Variants in B3GALT1 observed in about 807,000 individuals in gnomAD.
B3GALT1 encodes the protein beta-1,3-galactosyltransferase 1, also known as UDP-Gal:betaGlcNAc beta 1,3-galactosyltransferase, polypeptide 1.
A neutral mutation model predicts 23.2 loss-of-function variants in B3GALT1; 10 were observed. That is an observed-to-expected ratio of 0.43 (90% CI 0.27 to 0.73). B3GALT1 has a LOEUF of 0.73. Among genes scored for constraint, B3GALT1 ranks in the 30% least tolerant of loss-of-function variants. The probability of loss-of-function intolerance (pLI) is 0.21; values close to 1 mark genes in which losing one functional copy is unlikely to be tolerated. For missense variants in B3GALT1, 299 were observed against 405.4 expected (o/e 0.74, Z 2.25); for synonymous variants, 156 against 141.5 (o/e 1.10, Z -0.73).
chr2:167,346,706 A>G (rs1385419907), intron 1 of B3GALT1, among the ~76,000 whole-genome samples: 1 of 149,864 alleles, frequency 6.7e-6, no homozygotes. Flanking sequence ...AAAAAGTATC[A>G]AGTCTGCATG....
At chr2:167,611,090 A>C (rs1426392665) in intron 2 of B3GALT1, among the ~76,000 whole-genome samples, 3 of 151,798 alleles carry the variant, frequency 2.0e-5, no homozygotes, top group African/African-American at 7.2e-5. Flanking sequence ...AACCCCCATG[A>C]CACACAGTTT....
At chr2:167,393,730 C>T (rs1698054438) in intron 1 of B3GALT1, among the ~76,000 whole-genome samples, 1 of 152,020 alleles carries the variant, frequency 6.6e-6, no homozygotes, top group Non-Finnish European at 1.5e-5. Context: ...AGTTTTGTTT[C>T]AACTGCAGGC....
intron 1 of B3GALT1, among the ~76,000 whole-genome samples, chr2:167,395,720 A>G (rs1698083112): frequency 6.6e-6 from 1 of 152,176 alleles, no homozygotes; most frequent in African/African-American, 2.4e-5. Flanking sequence ...ACTGCTTTAT[A>G]ATGATGAATT....
intron 3 of B3GALT1, among the ~76,000 whole-genome samples, chr2:167,699,390 T>TTTTC (rs1286218482): frequency 4.1e-5 from 6 of 146,874 alleles, no homozygotes; most frequent in Non-Finnish European, 7.5e-5. Flanking sequence ...ATTTTTTTTT[T>TTTTC]TTTTTTTTTT....
intron 3 of B3GALT1, among the ~76,000 whole-genome samples, chr2:167,653,472 G>C (rs1363289494): frequency 6.6e-6 from 1 of 152,142 alleles, no homozygotes; most frequent in Non-Finnish European, 1.5e-5. Context: ...CCAAGCATCT[G>C]AGAACCTGCT....
At chr2:167,799,483 T>C (rs1688601434) in intron 3 of B3GALT1, among the ~76,000 whole-genome samples, 1 of 152,188 alleles carries the variant, frequency 6.6e-6, no homozygotes, top group Non-Finnish European at 1.5e-5. Context: ...CAAGCATTTC[T>C]CTCGTTGTTG....
chr2:167,711,482 A>G (rs1312764969), intron 3 of B3GALT1, among the ~76,000 whole-genome samples: 3 of 152,218 alleles, frequency 2.0e-5, no homozygotes, highest in Non-Finnish European at 4.4e-5. Context: ...TCACTGAAGG[A>G]ACTACTGACT....
intron 2 of B3GALT1, among the ~76,000 whole-genome samples, chr2:167,544,747 C>T (rs183152653): frequency 6.6e-6 from 1 of 152,148 alleles, no homozygotes; most frequent in African/African-American, 2.4e-5. Flanking sequence ...TTGTCTGACA[C>T]CAACCTGCAG....
intron 3 of B3GALT1, among the ~76,000 whole-genome samples, chr2:167,805,013 A>G (rs1377100016): frequency 1.6e-4 from 24 of 152,096 alleles, no homozygotes; most frequent in Admixed American, 9.8e-4. Flanking sequence ...TTTAATGATC[A>G]CCATTCTAAC....
At chr2:167,491,348 C>T (rs1699706183) in intron 2 of B3GALT1, among the ~76,000 whole-genome samples, 1 of 152,152 alleles carries the variant, frequency 6.6e-6, no homozygotes, top group African/African-American at 2.4e-5. Flanking sequence ...TAAGAAGTAA[C>T]AACTGCGAAA....
intron 1 of B3GALT1, among the ~76,000 whole-genome samples, chr2:167,387,619 A>G (rs1219455961): frequency 6.6e-6 from 1 of 152,224 alleles, no homozygotes. Flanking sequence ...GTCTGAATCA[A>G]TTCGTTACTA....
rs1393230957 is a variant in B3GALT1, at chr2:167,873,120, GT to G, written c.*3104del. 2.6e-5 allele frequency: 4 copies of G among 152,106 alleles called. No homozygotes were observed. Among genetic ancestry groups the G allele is most frequent in the African/African-American group, 9.7e-5 (4 of 41,408 alleles). 9.4% of individuals were successfully genotyped at this position (152,106 alleles called of 1,614,324 possible). ...ATTTCCCTGACATAAAATATGCAAT[GT>G]TTTAGACAGTATTCTACCAAGAGTC... On this transcript the variant is annotated 3_prime_UTR_variant, in exon 5 of 5. Transcript: ENST00000392690.
At chr2:167,447,024 G>T (rs1699008518) in intron 1 of B3GALT1, among the ~76,000 whole-genome samples, 1 of 152,180 alleles carries the variant, frequency 6.6e-6, no homozygotes, top group East Asian at 1.9e-4. Context: ...TGATGGTGAG[G>T]TACAGATGGG....
At chr2:167,558,530 G>A (rs1008470676) in intron 2 of B3GALT1, among the ~76,000 whole-genome samples, 2 of 152,188 alleles carry the variant, frequency 1.3e-5, no homozygotes, top group Non-Finnish European at 2.9e-5. Context: ...AAGCAGAAGG[G>A]GTCAGGGAGT....
At chr2:167,378,768 G>A (rs768539196) in intron 1 of B3GALT1, among the ~76,000 whole-genome samples, 13 of 152,068 alleles carry the variant, frequency 8.5e-5, no homozygotes, top group Non-Finnish European at 1.8e-4. Context: ...TGTCTTGGAT[G>A]TCATTGAGCT....
At chr2:167,733,687 T>C (rs1283920291) in intron 3 of B3GALT1, among the ~76,000 whole-genome samples, 1 of 152,212 alleles carries the variant, frequency 6.6e-6, no homozygotes, top group African/African-American at 2.4e-5. Flanking sequence ...AATGGAAGGC[T>C]AGTTGCTGAT....
intron 3 of B3GALT1, among the ~76,000 whole-genome samples, chr2:167,672,916 G>A (rs1686357983): frequency 6.6e-6 from 1 of 151,442 alleles, no homozygotes; most frequent in South Asian, 2.1e-4. Context: ...AGACCTCATT[G>A]AAGGCCTGTA....
intron 3 of B3GALT1, among the ~76,000 whole-genome samples, chr2:167,718,735 T>C (rs148508550): frequency 1.2e-4 from 17 of 146,368 alleles, no homozygotes; most frequent in South Asian, 1.1e-3. Flanking sequence ...CTAATGGTCA[T>C]CAACTGGGTC....
At chr2:167,421,758 T>C (rs1276905346) in intron 1 of B3GALT1, among the ~76,000 whole-genome samples, 1 of 152,090 alleles carries the variant, frequency 6.6e-6, no homozygotes, top group Non-Finnish European at 1.5e-5. Flanking sequence ...GATGATGATA[T>C]GAATGTTGGC....
Sources: gnomAD v4.1 joint callset for allele counts (sites outside exome capture counted in the v4.1 genomes callset) on GRCh38, gnomAD v4.1.1 for gene constraint, MANE v1.5 for transcripts, NCBI Gene and HGNC (gene_info 2026-07-23, HGNC 2026-07-21) for gene names.